The following THSD7B variants were observed in gnomAD, a reference collection of about 807,000 sequenced individuals.
THSD7B encodes thrombospondin type 1 domain containing 7B.
In THSD7B, 138 loss-of-function variants were observed where a neutral mutation model predicts 213.6. The observed-to-expected ratio is 0.65, with a 90% CI of 0.56 to 0.74. THSD7B has a LOEUF of 0.74. Ranked by LOEUF, THSD7B falls within the 30% of genes least tolerant of loss-of-function variation. THSD7B has a pLI of 0.00. For missense variants in THSD7B, 1,931 were observed against 1,991.5 expected, an observed-to-expected ratio of 0.97 and a Z score of 0.58; for synonymous variants, 742 against 687.0, an observed-to-expected ratio of 1.08 and a Z score of -1.25.
intron 2 of THSD7B, among the ~76,000 whole-genome samples, chr2:136,999,577 GATTA>G (rs1365794680): frequency 6.6e-6 from 1 of 151,778 alleles, no homozygotes; most frequent in Admixed American, 6.6e-5. Flanking sequence ...GCAGGTAAGG[GATTA>G]ATTAATTTAC....
intron 1 of THSD7B, among the ~76,000 whole-genome samples, chr2:136,844,846 C>A (rs886592611): frequency 3.3e-5 from 5 of 152,208 alleles, no homozygotes; most frequent in African/African-American, 1.2e-4. Flanking sequence ...CATCAGAGTG[C>A]AAGGTGGTAT....
intron 15 of THSD7B, among the ~76,000 whole-genome samples, chr2:137,525,275 C>G (rs905200795): frequency 1.3e-5 from 2 of 152,022 alleles, no homozygotes; most frequent in Non-Finnish European, 2.9e-5. Flanking sequence ...TCTTTCTGAC[C>G]CCAGAGATCA....
chr2:137,498,282 A>G (rs1464137208), intron 15 of THSD7B, among the ~76,000 whole-genome samples: 1 of 152,094 alleles, frequency 6.6e-6, no homozygotes, highest in Non-Finnish European at 1.5e-5. Flanking sequence ...TAAAAGATGA[A>G]TTAAGACTGT....
chr2:137,280,766 A>G (rs11890830), intron 12 of THSD7B, among the ~76,000 whole-genome samples: 5,070 of 152,234 alleles, frequency 0.033, 94 homozygotes, highest in East Asian at 0.053. Flanking sequence ...ACTTAAACAT[A>G]ATAATACGCT....
At chr2:136,855,231 A>C (rs1683159003) in intron 1 of THSD7B, among the ~76,000 whole-genome samples, 1 of 152,116 alleles carries the variant, frequency 6.6e-6, no homozygotes, top group Admixed American at 6.6e-5. Flanking sequence ...GTACATCTTG[A>C]CTAAAATTTG....
At position 137,101,530 on chromosome 2, in the gene THSD7B, GC is replaced by G. The variant is rs202228743; in HGVS notation, c.1199+6410del. On this transcript the variant is annotated intron_variant, in intron 4 of 27. Transcript: ENST00000409968. ...TATCCCAGTGGCACCTGGAACACCA[GC>G]GAGACAGAACCATTCACTCTCCTGG... Among the ~76,000 whole-genome samples, 364 of 152,314 alleles carry G rather than the reference GC, an allele frequency of 2.4e-3. 2 individuals are homozygous for G. Among genetic ancestry groups the G allele is most frequent in the Admixed American group, 6.8e-3 (104 of 15,300 alleles).
Position 137,272,554 on chromosome 2 carries a change from C to G in THSD7B, c.2288C>G (p.Ser763Cys). ...CQAGNATVKQSRYRIIIQEAA... is the reference protein window; with the variant it reads ...CQAGNATVKQCRYRIIIQEAA... ...TCAGGAAATGCCACAGTAAAACAGTCTCGATACAGAATCATCATCCAAGAA... is the reference window on the plus strand; with the variant it reads ...TCAGGAAATGCCACAGTAAAACAGTGTCGATACAGAATCATCATCCAAGAA... The change falls in exon 11 of 28, where the codon TCT becomes TGT. Residue 763 changes from serine (S) to cysteine (C), a missense_variant. Transcript: ENST00000409968. The G allele has an allele frequency of 6.2e-7, 1 of 1,610,848 alleles. No individual in the cohort carries two copies. Among genetic ancestry groups the G allele is most frequent in the East Asian group, 2.2e-5 (1 of 44,716 alleles).
At position 137,381,226 on chromosome 2, in the gene THSD7B, T is replaced by C. The variant is rs565781508; in HGVS notation, c.2501-24387T>C. Among the ~76,000 whole-genome samples the C allele has an allele frequency of 9.3e-4, 142 of 152,224 alleles. 1 individual carries two copies. Among genetic ancestry groups the C allele is most frequent in the Non-Finnish European group, 1.8e-3 (125 of 68,014 alleles). On this transcript the variant is annotated intron_variant, in intron 12 of 27. Transcript: ENST00000409968. ...AGATGGGCTCTGGTAGAAACCTGGGTGGCAGTAGATGAGTCCCCTGCAAGC... is the reference window on the plus strand; with the variant it reads ...AGATGGGCTCTGGTAGAAACCTGGGCGGCAGTAGATGAGTCCCCTGCAAGC...
intron 15 of THSD7B, among the ~76,000 whole-genome samples, chr2:137,541,848 G>A (rs185810635): frequency 7.2e-6 from 1 of 138,146 alleles, no homozygotes; most frequent in African/African-American, 2.8e-5. Flanking sequence ...CAACAGTTTT[G>A]GGCAGACAAA....
At chr2:137,534,018 G>GCACA (rs1158544636) in intron 15 of THSD7B, among the ~76,000 whole-genome samples, 384 of 113,546 alleles carry the variant, frequency 3.4e-3, no homozygotes, top group African/African-American at 0.01. Flanking sequence ...GTGTGTGCGC[G>GCACA]CACACACACA....
intron 1 of THSD7B, among the ~76,000 whole-genome samples, chr2:136,805,488 C>T (rs1682265143): frequency 6.6e-6 from 1 of 152,176 alleles, no homozygotes; most frequent in African/African-American, 2.4e-5. Context: ...CCTTCTAAGC[C>T]CAGCACAGTG....
At chr2:137,023,149 G>A (rs1023135486) in intron 2 of THSD7B, among the ~76,000 whole-genome samples, 29 of 152,204 alleles carry the variant, frequency 1.9e-4, no homozygotes, top group African/African-American at 6.8e-4. Context: ...AAGCTGAGAA[G>A]CTGGGCAGAG....
At chr2:136,767,456 A>AGTTGT (rs1681422244) in intron 1 of THSD7B, among the ~76,000 whole-genome samples, 1 of 146,594 alleles carries the variant, frequency 6.8e-6, no homozygotes, top group African/African-American at 2.5e-5. Flanking sequence ...ATCCCTGGGA[A>AGTTGT]GTGTGTGTGT....
At chr2:137,545,715 A>G (rs770583547) in intron 15 of THSD7B, among the ~76,000 whole-genome samples, 1 of 151,840 alleles carries the variant, frequency 6.6e-6, no homozygotes, top group Non-Finnish European at 1.5e-5. Flanking sequence ...CTAACTCTAT[A>G]CTTCCTAGAG....
intron 5 of THSD7B, among the ~76,000 whole-genome samples, chr2:137,132,080 T>G (rs915895831): frequency 6.7e-5 from 10 of 149,552 alleles, no homozygotes; most frequent in African/African-American, 2.5e-4. Flanking sequence ...TAGTTCTCCT[T>G]GAAGAGGTCC....
At chr2:137,232,849 A>G in intron 8 of THSD7B, 50 bp from the exon 9 acceptor site, 1 of 1,579,244 alleles carries the variant, frequency 6.3e-7, no homozygotes, top group Non-Finnish European at 8.7e-7. Context: ...AAACAACAAA[A>G]ACAAGAACAG....
intron 3 of THSD7B, among the ~76,000 whole-genome samples, chr2:137,084,610 A>C (rs1687804277): frequency 6.6e-6 from 1 of 152,158 alleles, no homozygotes; most frequent in East Asian, 1.9e-4. Flanking sequence ...TTCTAAGCCA[A>C]AGTCATAAAT....
At chr2:136,931,037 G>A (rs971780082) in intron 2 of THSD7B, among the ~76,000 whole-genome samples, 2 of 152,040 alleles carry the variant, frequency 1.3e-5, no homozygotes, top group Admixed American at 6.6e-5. Context: ...GTTAGAAAAA[G>A]CCATTTTTCT....
chr2:137,037,480 G>A (rs1686799680), intron 2 of THSD7B, among the ~76,000 whole-genome samples: 1 of 143,192 alleles, frequency 7.0e-6, no homozygotes, highest in African/African-American at 2.4e-5. Context: ...TGTTCAAAAA[G>A]GACAGGGCTT....
Sources: gnomAD v4.1 joint callset for allele counts (sites outside exome capture counted in the v4.1 genomes callset) on GRCh38, gnomAD v4.1.1 for gene constraint, MANE v1.5 for transcripts, NCBI Gene and HGNC (gene_info 2026-07-23, HGNC 2026-07-21) for gene names.